Variants in PARP8 observed in about 807,000 individuals in gnomAD.
PARP8 encodes the protein poly(ADP-ribose) polymerase family member 8, also known as protein mono-ADP-ribosyltransferase PARP8.
In PARP8, 51 loss-of-function variants were observed where a neutral mutation model predicts 124.1. The ratio of observed to expected loss-of-function variants is 0.41; its 90% CI spans 0.33 to 0.52. PARP8 has a LOEUF of 0.52. PARP8 is among the 20% of genes least tolerant of loss of function. The pLI is 0.21. For synonymous variants in PARP8, 391 were observed against 361.5 expected, an observed-to-expected ratio of 1.08 and a Z score of -0.93; for missense variants, 860 against 1,018.9, an observed-to-expected ratio of 0.84 and a Z score of 2.12.
chr5:50,758,291 T>A (rs1403678665), intron 3 of PARP8, among the ~76,000 whole-genome samples: 2 of 152,200 alleles, frequency 1.3e-5, no homozygotes, highest in East Asian at 3.8e-4. Context: ...AAATTTGTGA[T>A]TGCACTAATC....
intron 21 of PARP8, among the ~76,000 whole-genome samples, chr5:50,829,361 G>A (rs1206504676): frequency 3.3e-5 from 5 of 152,064 alleles, no homozygotes; most frequent in Non-Finnish European, 5.9e-5. Context: ...AATGTGTTTA[G>A]TATTCAATTC....
At chr5:50,751,588 A>C (rs1366881416) in intron 3 of PARP8, among the ~76,000 whole-genome samples, 1 of 152,140 alleles carries the variant, frequency 6.6e-6, no homozygotes, top group South Asian at 2.1e-4. Flanking sequence ...TCCAGTGCGC[A>C]GTATACCAAG....
At chr5:50,750,238 A>G (rs1261357279) in intron 3 of PARP8, 50 bp downstream of exon 3, 3 of 1,450,544 alleles carry the variant, frequency 2.1e-6, no homozygotes, top group Non-Finnish European at 2.9e-6. Flanking sequence ...GTTCCTTTGA[A>G]TATTTTTTTC....
At chr5:50,807,997 C>T (rs1744046418) in intron 14 of PARP8, among the ~76,000 whole-genome samples, 1 of 151,884 alleles carries the variant, frequency 6.6e-6, no homozygotes, top group Non-Finnish European at 1.5e-5. Context: ...AACTGAGAAA[C>T]CTGAGAATCT....
chr5:50,761,308 C>G (rs1401778388), intron 5 of PARP8, among the ~76,000 whole-genome samples: 1 of 152,024 alleles, frequency 6.6e-6, no homozygotes, highest in Non-Finnish European at 1.5e-5. Context: ...CTTTTGAAAT[C>G]TGAATTCTGA....
intron 2 of PARP8, among the ~76,000 whole-genome samples, chr5:50,689,032 A>ATTTTTTTTTTTTTTTTTTG (rs1752197576): frequency 1.8e-5 from 2 of 111,276 alleles, no homozygotes; most frequent in Non-Finnish European, 3.7e-5. Context: ...TTTTTTTTTG[A>ATTTTTTTTTTTTTTTTTTG]TTTTTTTTTT....
intron 12 of PARP8, 46 bp from the exon 13 acceptor site, chr5:50,796,928 ATACATTTT>A: frequency 6.9e-7 from 1 of 1,444,802 alleles, no homozygotes. Context: ...CCTGTAATTT[ATACATTTT>A]TACATTTAAA....
At chr5:50,732,840 G>A (rs932634550) in intron 2 of PARP8, among the ~76,000 whole-genome samples, 3 of 151,706 alleles carry the variant, frequency 2.0e-5, no homozygotes, top group African/African-American at 7.3e-5. Flanking sequence ...GGATGGTCTC[G>A]ATCTCCTGAC....
intron 2 of PARP8, among the ~76,000 whole-genome samples, chr5:50,718,461 G>A (rs934101693): frequency 2.6e-5 from 4 of 151,870 alleles, no homozygotes; most frequent in Non-Finnish European, 5.9e-5. Context: ...ATACGTGTGT[G>A]TATGTATATA....
chr5:50,721,446 T>A (rs1314775878), intron 2 of PARP8, among the ~76,000 whole-genome samples: 3 of 151,624 alleles, frequency 2.0e-5, no homozygotes, highest in Non-Finnish European at 4.4e-5. Flanking sequence ...CCATGTATTT[T>A]GTAATTTATC....
intron 2 of PARP8, among the ~76,000 whole-genome samples, chr5:50,695,963 G>T (rs1187028657): frequency 6.6e-6 from 1 of 152,114 alleles, no homozygotes; most frequent in African/African-American, 2.4e-5. Flanking sequence ...TGAGGTGAAA[G>T]AAATATATGC....
intron 5 of PARP8, among the ~76,000 whole-genome samples, chr5:50,761,350 A>G (rs1402387807): frequency 2.0e-5 from 3 of 152,074 alleles, no homozygotes; most frequent in African/African-American, 7.2e-5. Context: ...AAAAGTTCTC[A>G]TATGTTTCAT....
chr5:50,751,278 C>T lies in PARP8; in HGVS notation c.184+1090C>T, dbSNP rs115207345. On this transcript the variant is annotated intron_variant, in intron 3 of 25. Coordinates refer to ENST00000281631, the MANE Select transcript of PARP8 (RefSeq NM_024615.4). The stretch of plus-strand genomic sequence containing the variant: ...ATTACTTGGGCTTTTTCACACTTTA[C>T]GGGAGCCCCACCTGGAAATGCCAAT... Among the ~76,000 whole-genome samples, 582 of 152,150 alleles carry T rather than the reference C, an allele frequency of 3.8e-3. 5 individuals are homozygous for T. Among genetic ancestry groups the T allele is most frequent in the Non-Finnish European group, 6.1e-3 (418 of 67,968 alleles).
chr5:50,725,437 C>T (rs559703714), intron 2 of PARP8, among the ~76,000 whole-genome samples: 136 of 152,168 alleles, frequency 8.9e-4, no homozygotes, highest in African/African-American at 3.1e-3. Flanking sequence ...GTACTTGTAG[C>T]AAGATACTTA....
At position 50,762,415 on chromosome 5, in the gene PARP8, A is replaced by G. The variant is rs548265840; in HGVS notation, c.423+517A>G. ...ATATATGAGAATAGCCTAGCCACAT[A>G]TATAAAAGAACTCATCAGAATTTTT... On this transcript the variant is annotated intron_variant, in intron 6 of 25. Transcript: ENST00000281631. 2.1e-4 allele frequency among the ~76,000 whole-genome samples: 32 copies of G among 152,246 alleles called. No homozygotes were observed. The South Asian group carries it at 4.4e-3, about 21-fold the overall frequency.
intron 3 of PARP8, chr5:50,757,033 T>G: frequency 2.8e-6 from 1 of 353,978 alleles, no homozygotes; most frequent in African/African-American, 2.1e-5. Flanking sequence ...AATGTAGTAT[T>G]TTGTTGTATA....
At chr5:50,754,150 T>C (rs10065284) in intron 3 of PARP8, among the ~76,000 whole-genome samples, 1,906 of 36,274 alleles carry the variant, frequency 0.053, 50 homozygotes, top group Non-Finnish European at 0.066. Flanking sequence ...TATATATATA[T>C]ACACACACAC....
intron 2 of PARP8, among the ~76,000 whole-genome samples, chr5:50,682,104 C>A (rs113862319): frequency 2.0e-5 from 3 of 152,198 alleles, no homozygotes; most frequent in African/African-American, 7.2e-5. Context: ...GTAAATATTG[C>A]ACATGGGACC....
chr5:50,802,414 A>G (rs563332335), intron 14 of PARP8, among the ~76,000 whole-genome samples: 10 of 152,270 alleles, frequency 6.6e-5, no homozygotes, highest in Admixed American at 4.6e-4. Context: ...TTCTGGGCTT[A>G]AGTGATCTTC....
Sources: allele counts gnomAD v4.1 joint callset (sites outside exome capture counted in the v4.1 genomes callset), GRCh38; gene constraint gnomAD v4.1.1; transcripts MANE v1.5; gene names NCBI Gene and HGNC (gene_info 2026-07-23, HGNC 2026-07-21).